Variants in FNDC7 observed in about 807,000 individuals in gnomAD.
The protein encoded by FNDC7 is fibronectin type III domain-containing protein 7.
Under a neutral mutation model 74.2 loss-of-function variants are expected in FNDC7, and 66 were observed. That is an observed-to-expected ratio of 0.89 (90% CI 0.73 to 1.09). The LOEUF is 1.09. Ranked by LOEUF, FNDC7 falls within the 50% of genes least tolerant of loss-of-function variation. FNDC7 has a pLI of 0.00. For missense variants in FNDC7, 829 were observed against 893.4 expected (o/e 0.93, Z 0.92); for synonymous variants, 307 against 330.2 (o/e 0.93, Z 0.76).
At chr1:108,718,131 G>T in intron 3 of FNDC7, 100 bp downstream of exon 3, 1 of 1,426,258 alleles carries the variant, frequency 7.0e-7, no homozygotes. Flanking sequence ...TGTCACATGA[G>T]TGCCTACAAT....
At chr1:108,720,422 G>A (rs1661069912) in intron 4 of FNDC7, among the ~76,000 whole-genome samples, 1 of 152,224 alleles carries the variant, frequency 6.6e-6, no homozygotes. Flanking sequence ...ATCTTCATCA[G>A]GCTGGGGCAC....
intron 11 of FNDC7, among the ~76,000 whole-genome samples, chr1:108,741,220 AC>A (rs1570739225): frequency 1.3e-5 from 2 of 152,134 alleles, no homozygotes; most frequent in East Asian, 3.9e-4. Flanking sequence ...GAAAAAAAAA[AC>A]CTATTTGAGG....
In FNDC7 at chr1:108,742,211, A is replaced by T. The variant is rs775347245; in HGVS notation, c.*324A>T. On this transcript the variant is annotated 3_prime_UTR_variant, in exon 13 of 13. Transcript: ENST00000370017. ...AAAGTTCTGCTTAGCAGAAATTCTG[A>T]GATTTCACATCCACACACACCACAG... 5.8e-5 allele frequency: 13 copies of T among 223,760 alleles called. No homozygotes were observed. Among genetic ancestry groups the T allele is most frequent in the Non-Finnish European group, 1.1e-4 (13 of 114,270 alleles). The allele number at this position is 223,760 out of a possible 1,614,324, so 13.9% of individuals were successfully genotyped here.
chr1:108,726,460 G>A (rs966114351), intron 6 of FNDC7, among the ~76,000 whole-genome samples: 1 of 152,210 alleles, frequency 6.6e-6, no homozygotes, highest in East Asian at 1.9e-4. Context: ...CATTCCTTCA[G>A]TGAGGATAAT....
rs1185843328 is a variant in FNDC7 at position 108,733,426 on chromosome 1, C to A, written c.2034C>A (p.Phe678Leu). ...GCACCCCGAGTGCTGGCCTCAGTTT[C>A]TGTGATGTCACTGAGATACCCTGTG... ...FTCTPSAGLS[F>L]CDVTEIPCGD... The change falls in exon 10 of 13, where the codon TTC becomes TTA. Residue 678 changes from phenylalanine (F) to leucine (L), a missense_variant. Coordinates refer to ENST00000370017, the MANE Select transcript of FNDC7 (RefSeq NM_001144937.3). 1.2e-6 allele frequency: 2 copies of A among 1,614,110 alleles called. No individual in the cohort carries two copies. The highest frequency in any genetic ancestry group is 4.5e-5 in the East Asian group (2 of 44,860).
chr1:108,738,116 G>C (rs922860339), intron 11 of FNDC7, among the ~76,000 whole-genome samples: 2 of 152,244 alleles, frequency 1.3e-5, no homozygotes, highest in Admixed American at 1.3e-4. Context: ...AGGTCCAGGT[G>C]ATGCTGGCGA....
intron 11 of FNDC7, among the ~76,000 whole-genome samples, chr1:108,739,654 G>A (rs1661592444): frequency 6.6e-6 from 1 of 152,202 alleles, no homozygotes; most frequent in Non-Finnish European, 1.5e-5. Context: ...CTCCTGGACA[G>A]TTAATAATGA....
intron 3 of FNDC7, among the ~76,000 whole-genome samples, chr1:108,718,584 C>T (rs1049549196): frequency 6.6e-6 from 1 of 152,216 alleles, no homozygotes. Context: ...TGATATTTAG[C>T]GTTTCTCTGT....
rs540865923 is a variant in FNDC7, at chr1:108,726,147, C to T, written c.1111+143C>T. ...AGAAAGTAATCTCTTATCTCACATTCTTTCCAGACTAGGGAATTTTGGCTT... is the reference window on the plus strand; with the variant it reads ...AGAAAGTAATCTCTTATCTCACATTTTTTCCAGACTAGGGAATTTTGGCTT... On this transcript the variant is annotated intron_variant, in intron 6 of 12. Transcript: ENST00000370017. 1.8e-4 allele frequency: 203 copies of T among 1,114,828 alleles called. 2 individuals are homozygous for T. In the South Asian group the frequency reaches 2.9e-3, roughly 16 times the overall value. The allele number at this position is 1,114,828 out of a possible 1,614,324, so 69.1% of individuals were successfully genotyped here.
chr1:108,733,241 T>C, intron 9 of FNDC7, 31 bp from the exon 10 acceptor site: 1 of 1,593,248 alleles, frequency 6.3e-7, no homozygotes, highest in Non-Finnish European at 8.6e-7. Context: ...ATAAAACAAG[T>C]GATTTTGTGT....
intron 7 of FNDC7, 38 bp downstream of exon 7, chr1:108,728,103 A>G (rs758096541): frequency 8.8e-6 from 14 of 1,597,040 alleles, no homozygotes; most frequent in Admixed American, 5.0e-5. Flanking sequence ...TGGTGTCTGA[A>G]TGATTCACCC....
chr1:108,714,934 T>C (rs925370345), intron 2 of FNDC7, among the ~76,000 whole-genome samples: 3 of 152,022 alleles, frequency 2.0e-5, no homozygotes, highest in Admixed American at 6.6e-5. Flanking sequence ...AGAATCTAAC[T>C]CTGCCGTCTC....
chr1:108,737,876 G>A (rs1049796770), intron 11 of FNDC7, among the ~76,000 whole-genome samples: 11 of 152,228 alleles, frequency 7.2e-5, no homozygotes, highest in African/African-American at 2.7e-4. Flanking sequence ...ATTAACTGAT[G>A]TCTGGTTCTG....
Position 108,737,522 on chromosome 1 carries a change from T to A in FNDC7, c.2168T>A (p.Met723Lys). The A allele has an allele frequency of 6.3e-7, 1 of 1,591,070 alleles. No homozygotes were observed. The highest frequency in any genetic ancestry group is 8.5e-7 in the Non-Finnish European group (1 of 1,173,184). Residue 723 changes from methionine (M) to lysine (K), a missense_variant and splice_region_variant, in exon 11 of 13, where the codon ATG becomes AAG. By Grantham distance (95) the Met-to-Lys change is moderately conservative. Coordinates refer to ENST00000370017, the MANE Select transcript of FNDC7 (RefSeq NM_001144937.3). ...ACTTGCTCTGGAAGTACACTTGGAATGGGTAAGTCATTTTTCTCATGGATA... is the reference window on the plus strand; with the variant it reads ...ACTTGCTCTGGAAGTACACTTGGAAAGGGTAAGTCATTTTTCTCATGGATA... ...SVTCSGSTLGMVIYRGKRNEE is the reference protein window; with the variant it reads ...SVTCSGSTLGKVIYRGKRNEE
chr1:108,717,752 T>G (rs1661005337), intron 2 of FNDC7, 25 bp from the exon 3 acceptor site: 1 of 1,548,394 alleles, frequency 6.5e-7, no homozygotes. Flanking sequence ...TCTTGGCTAA[T>G]GTACAACTCT....
intron 11 of FNDC7, among the ~76,000 whole-genome samples, chr1:108,738,233 G>T (rs1261911258): frequency 1.3e-4 from 20 of 152,190 alleles, no homozygotes; most frequent in Admixed American, 1.0e-3. Flanking sequence ...GCATGAGTGG[G>T]TATACCCCGT....
At chr1:108,728,600 G>A (rs1310786568) in intron 7 of FNDC7, 32 bp from the exon 8 acceptor site, 5 of 1,610,106 alleles carry the variant, frequency 3.1e-6, no homozygotes, top group Admixed American at 1.7e-5. Flanking sequence ...TTTGACTCAT[G>A]CTGGTTCAAT....
chr1:108,721,167 T>G (rs1017902522), intron 4 of FNDC7, among the ~76,000 whole-genome samples: 1 of 152,164 alleles, frequency 6.6e-6, no homozygotes, highest in Non-Finnish European at 1.5e-5. Flanking sequence ...TAGGTCCTCA[T>G]GTCCTCAAAG....
chr1:108,733,618 A>T, intron 10 of FNDC7, 86 bp downstream of exon 10: 3 of 1,242,420 alleles, frequency 2.4e-6, no homozygotes, highest in Non-Finnish European at 3.4e-6. Flanking sequence ...TTTACTATGT[A>T]TGAAGGGCAC....
Sources: gnomAD v4.1 joint callset for allele counts (sites outside exome capture counted in the v4.1 genomes callset) on GRCh38, gnomAD v4.1.1 for gene constraint, MANE v1.5 for transcripts, NCBI Gene and HGNC (gene_info 2026-07-23, HGNC 2026-07-21) for gene names.